SH3RF3: variants seen among roughly 807,000 people sequenced by gnomAD.
SH3RF3 encodes the protein SH3 domain containing ring finger 3.
In SH3RF3, 29 loss-of-function variants were observed where a neutral mutation model predicts 66.3. The observed-to-expected ratio is 0.44, with a 90% CI of 0.33 to 0.60. The LOEUF (loss-of-function observed/expected upper bound fraction) is 0.60, where lower values mean the gene tolerates loss of function less well. Ranked by LOEUF, SH3RF3 falls within the 20% of genes least tolerant of loss-of-function variation. The pLI, the probability that SH3RF3 is intolerant of heterozygous loss-of-function variation, is 0.04. For synonymous variants in SH3RF3, 583 were observed against 532.0 expected (o/e 1.10, Z -1.32); for missense variants, 1,194 against 1,190.9 (o/e 1.00, Z -0.04).
At chr2:109,465,733 C>A (rs528699938) in intron 8 of SH3RF3, among the ~76,000 whole-genome samples, 1 of 152,058 alleles carries the variant, frequency 6.6e-6, no homozygotes, top group Non-Finnish European at 1.5e-5. Context: ...CCAATCATGG[C>A]GGAAGACAAA....
chr2:109,194,391 G>C (rs907048901), intron 1 of SH3RF3, among the ~76,000 whole-genome samples: 3 of 152,224 alleles, frequency 2.0e-5, no homozygotes, highest in Non-Finnish European at 2.9e-5. Context: ...TTCCCAGTGG[G>C]CTGGGCCTCA....
At chr2:109,376,975 G>T (rs1472692281) in intron 3 of SH3RF3, among the ~76,000 whole-genome samples, 1 of 152,254 alleles carries the variant, frequency 6.6e-6, no homozygotes, top group African/African-American at 2.4e-5. Context: ...ACCTGTCCCG[G>T]CAGCCAGCAC....
chr2:109,160,105 C>G (rs1403623939), intron 1 of SH3RF3, among the ~76,000 whole-genome samples: 2 of 152,142 alleles, frequency 1.3e-5, no homozygotes, highest in Non-Finnish European at 2.9e-5. Flanking sequence ...ATGACATTAT[C>G]AGTCAATTTA....
At chr2:109,458,835 C>T (rs966354084) in intron 8 of SH3RF3, among the ~76,000 whole-genome samples, 10 of 152,196 alleles carry the variant, frequency 6.6e-5, no homozygotes, top group Non-Finnish European at 2.9e-5. Flanking sequence ...GGTAAACTGG[C>T]TGTAGATATT....
At chr2:109,381,520 G>A (rs1433888315) in intron 3 of SH3RF3, among the ~76,000 whole-genome samples, 2 of 152,050 alleles carry the variant, frequency 1.3e-5, no homozygotes, top group Non-Finnish European at 2.9e-5. Flanking sequence ...CCTCCCTTCA[G>A]CGTGGCCATC....
intron 1 of SH3RF3, among the ~76,000 whole-genome samples, chr2:109,232,666 G>C (rs1451619934): frequency 6.6e-6 from 1 of 152,150 alleles, no homozygotes; most frequent in African/African-American, 2.4e-5. Flanking sequence ...CAATGTTTTA[G>C]AGAAATGTGG....
chr2:109,169,292 T>C (rs2104937813), intron 1 of SH3RF3, among the ~76,000 whole-genome samples: 1 of 152,186 alleles, frequency 6.6e-6, no homozygotes, highest in Admixed American at 6.5e-5. Flanking sequence ...GGGTATATTA[T>C]TTTTGCCAAG....
intron 5 of SH3RF3, among the ~76,000 whole-genome samples, chr2:109,425,831 A>G (rs1042768065): frequency 3.9e-5 from 6 of 152,248 alleles, no homozygotes; most frequent in African/African-American, 9.6e-5. Flanking sequence ...TCTTCAGCTC[A>G]TGGATCGAGG....
intron 1 of SH3RF3, among the ~76,000 whole-genome samples, chr2:109,234,901 T>A (rs1427845288): frequency 6.6e-6 from 1 of 152,260 alleles, no homozygotes; most frequent in East Asian, 1.9e-4. Context: ...CAAACTAGTT[T>A]GTTCCATTTT....
intron 1 of SH3RF3, among the ~76,000 whole-genome samples, chr2:109,238,447 A>ATT (rs1679698799): frequency 8.3e-6 from 1 of 119,900 alleles, no homozygotes; most frequent in Non-Finnish European, 1.7e-5. Flanking sequence ...TGTTATGTAT[A>ATT]TTTGTGTGTG....
intron 1 of SH3RF3, among the ~76,000 whole-genome samples, chr2:109,231,311 G>A (rs1198755802): frequency 2.6e-5 from 4 of 152,226 alleles, no homozygotes; most frequent in African/African-American, 4.8e-5. Flanking sequence ...GAGCTAATGC[G>A]ATGACATTTT....
At chr2:109,147,803 C>T (rs932834663) in intron 1 of SH3RF3, among the ~76,000 whole-genome samples, 1 of 152,184 alleles carries the variant, frequency 6.6e-6, no homozygotes, top group African/African-American at 2.4e-5. Flanking sequence ...TGGAGCCTAG[C>T]CCATTGATCT....
intron 4 of SH3RF3, among the ~76,000 whole-genome samples, chr2:109,402,596 C>T (rs536038975): frequency 6.6e-6 from 1 of 152,366 alleles, no homozygotes; most frequent in East Asian, 1.9e-4. Flanking sequence ...AGCAGCCAGT[C>T]CCCTGCCTCT....
chr2:109,202,793 T>C (rs1020491938), intron 1 of SH3RF3, among the ~76,000 whole-genome samples: 19 of 152,152 alleles, frequency 1.2e-4, no homozygotes, highest in African/African-American at 4.3e-4. Flanking sequence ...TACACACATT[T>C]AAGCAAAGGG....
chr2:109,241,060 T>C (rs1264188772), intron 1 of SH3RF3, among the ~76,000 whole-genome samples: 1 of 152,198 alleles, frequency 6.6e-6, no homozygotes, highest in Non-Finnish European at 1.5e-5. Flanking sequence ...TAAAAATATA[T>C]GTTTAAAATA....
chr2:109,303,132 T>G (rs116665778), intron 1 of SH3RF3, among the ~76,000 whole-genome samples: 4,273 of 152,256 alleles, frequency 0.028, 219 homozygotes, highest in African/African-American at 0.097. Context: ...CGCCTCAGCC[T>G]CACAAGGTGC....
chr2:109,186,913 C>CA (rs1390371936), intron 1 of SH3RF3, among the ~76,000 whole-genome samples: 2 of 152,046 alleles, frequency 1.3e-5, no homozygotes, highest in Non-Finnish European at 2.9e-5. Context: ...CAGTTTATAG[C>CA]AAAAAAGCGT....
intron 3 of SH3RF3, among the ~76,000 whole-genome samples, chr2:109,383,591 C>A (rs777765667): frequency 1.5e-4 from 23 of 152,174 alleles, no homozygotes; most frequent in South Asian, 1.2e-3. Flanking sequence ...CCGGGAAATG[C>A]CCAAACCGTG....
In SH3RF3 at chr2:109,436,356, C is replaced by A. The variant is rs114220493; in HGVS notation, c.1575-537C>A. ...GTGAGCTGATGTCATCTGGAAACTT[C>A]GGAGTGAAAGGGCATCTATTTCTGG... On this transcript the variant is annotated intron_variant, in intron 6 of 9. Coordinates refer to ENST00000309415, the MANE Select transcript of SH3RF3 (RefSeq NM_001099289.3). Among the ~76,000 whole-genome samples, 486 of 152,304 alleles carry A rather than the reference C, an allele frequency of 3.2e-3. 4 individuals carry two copies. Among genetic ancestry groups the A allele is most frequent in the African/African-American group, 0.011 (468 of 41,566 alleles).
Sources: gnomAD v4.1 joint callset for allele counts (sites outside exome capture counted in the v4.1 genomes callset) on GRCh38, gnomAD v4.1.1 for gene constraint, MANE v1.5 for transcripts, NCBI Gene and HGNC (gene_info 2026-07-23, HGNC 2026-07-21) for gene names.